The following TRIO variants were observed in gnomAD, a reference collection of about 807,000 sequenced individuals.
TRIO encodes the protein triple functional domain protein.
A neutral mutation model predicts 351.9 loss-of-function variants in TRIO; 58 were observed. That is an observed-to-expected ratio of 0.16 (90% CI 0.13 to 0.21). The LOEUF (loss-of-function observed/expected upper bound fraction) is 0.21, where lower values mean the gene tolerates loss of function less well. Among genes scored for constraint, TRIO ranks in the 10% least tolerant of loss-of-function variants. TRIO has a pLI of 1.00. For missense variants in TRIO, 3,201 were observed against 4,027.8 expected (o/e 0.79, Z 5.56); for synonymous variants, 1,758 against 1,595.7 (o/e 1.10, Z -2.42).
intron 1 of TRIO, among the ~76,000 whole-genome samples, chr5:14,208,646 CAG>C (rs1791685481): frequency 6.6e-6 from 1 of 152,210 alleles, no homozygotes; most frequent in Non-Finnish European, 1.5e-5. Context: ...TGTAAACTAA[CAG>C]AAAGTCTAAC....
intron 1 of TRIO, among the ~76,000 whole-genome samples, chr5:14,242,408 G>A (rs1035813404): frequency 5.9e-5 from 9 of 152,132 alleles, no homozygotes; most frequent in African/African-American, 2.2e-4. Flanking sequence ...ACAAATCAGG[G>A]CTCTTGTCAA....
At chr5:14,343,089 C>CAAAAAAAAAAA (rs34378604) in intron 11 of TRIO, among the ~76,000 whole-genome samples, 1 of 135,556 alleles carries the variant, frequency 7.4e-6, no homozygotes. Context: ...CAGAAAGTTG[C>CAAAAAAAAAAA]AAAAAAAAAA....
chr5:14,340,116 T>C (rs1034938754), intron 11 of TRIO, among the ~76,000 whole-genome samples: 1 of 152,166 alleles, frequency 6.6e-6, no homozygotes, highest in African/African-American at 2.4e-5. Context: ...TTGTCTTGGC[T>C]GGGCGTGGTG....
intron 9 of TRIO, among the ~76,000 whole-genome samples, chr5:14,322,571 G>A (rs1013548914): frequency 5.3e-5 from 8 of 152,112 alleles, no homozygotes; most frequent in South Asian, 4.1e-4. Context: ...CTATTTCTTC[G>A]GCCTGCAAAA....
At chr5:14,350,459 G>A (rs1321631646) in intron 11 of TRIO, among the ~76,000 whole-genome samples, 1 of 152,160 alleles carries the variant, frequency 6.6e-6, no homozygotes, top group South Asian at 2.1e-4. Flanking sequence ...ATACTGTTTG[G>A]TTAGTTTAAG....
chr5:14,358,470 G>C, intron 12 of TRIO, 123 bp downstream of exon 12: 1 of 1,174,198 alleles, frequency 8.5e-7, no homozygotes. Context: ...AGAGCTAGTA[G>C]TGTCTGTGAA....
At chr5:14,266,235 G>A (rs1005623361) in intron 1 of TRIO, among the ~76,000 whole-genome samples, 3 of 152,030 alleles carry the variant, frequency 2.0e-5, no homozygotes, top group Non-Finnish European at 2.9e-5. Flanking sequence ...ATATTTTTTC[G>A]TATTTTAGTA....
intron 1 of TRIO, among the ~76,000 whole-genome samples, chr5:14,185,180 CTCCTT>C (rs751911236): frequency 1.4e-5 from 2 of 140,626 alleles, no homozygotes; most frequent in African/African-American, 2.6e-5. Context: ...CATTCTCTCT[CTCCTT>C]TCCTTCTTGT....
intron 11 of TRIO, among the ~76,000 whole-genome samples, chr5:14,340,564 T>C (rs1019844479): frequency 6.6e-6 from 1 of 152,210 alleles, no homozygotes; most frequent in African/African-American, 2.4e-5. Context: ...TAGTTGTCAC[T>C]GTCTCTTTTT....
At chr5:14,380,182 C>T (rs761109132) in intron 20 of TRIO, among the ~76,000 whole-genome samples, 9 of 152,234 alleles carry the variant, frequency 5.9e-5, no homozygotes, top group African/African-American at 1.4e-4. Context: ...ACTGCACTCT[C>T]GGTTCCCTGT....
At chr5:14,481,149 G>C in intron 43 of TRIO, 85 bp from the exon 44 acceptor site, 1 of 1,433,968 alleles carries the variant, frequency 7.0e-7, no homozygotes, top group Non-Finnish European at 9.5e-7. Flanking sequence ...AACATAGTGA[G>C]ACCCTGTCTC....
chr5:14,287,121 T>C, intron 4 of TRIO, 58 bp downstream of exon 4: 1 of 1,543,948 alleles, frequency 6.5e-7, no homozygotes, highest in Non-Finnish European at 8.8e-7. Flanking sequence ...TACTAAAAGC[T>C]ATTGAGGCTA....
intron 26 of TRIO, chr5:14,390,514 T>C (rs1189056620): frequency 3.4e-6 from 2 of 587,068 alleles, no homozygotes; most frequent in African/African-American, 3.7e-5. Flanking sequence ...TGAAATAGAA[T>C]ATTTAGTGTG....
rs1561579689 is a variant in TRIO at position 14,509,543 on chromosome 5, CTAT to C, written c.*1126_*1128del. 2.8e-6 allele frequency: 1 copy of C among 360,840 alleles called. No individual in the cohort carries two copies. The allele number at this position is 360,840 out of a possible 1,614,324, so 22.4% of individuals were successfully genotyped here. ...GGGTAATGTTTTAAAATTTATTATGCTATTATTCAGAATGCCAAAGTATTATTT... is the reference window on the plus strand; with the variant it reads ...GGGTAATGTTTTAAAATTTATTATGCTATTCAGAATGCCAAAGTATTATTT... On this transcript the variant is annotated 3_prime_UTR_variant, in exon 57 of 57. Transcript: ENST00000344204.
At chr5:14,231,054 AAAGAC>A (rs1290975607) in intron 1 of TRIO, among the ~76,000 whole-genome samples, 6 of 152,246 alleles carry the variant, frequency 3.9e-5, no homozygotes, top group Non-Finnish European at 8.8e-5. Flanking sequence ...TAGACATTAC[AAAGAC>A]AGGAAAAAGA....
Position 14,462,891 on chromosome 5 carries a change from A to T in TRIO, c.5633A>T (p.His1878Leu). 2 of 1,608,906 alleles carry T rather than the reference A, an allele frequency of 1.2e-6. No individual in the cohort carries two copies. Among genetic ancestry groups the T allele is most frequent in the Non-Finnish European group, 1.7e-6 (2 of 1,177,466 alleles). Reference protein sequence around the residue: ...PLPPPMAIQQHSLLQPDSQDD... With the variant: ...PLPPPMAIQQLSLLQPDSQDD... ...CCGCCACCCATGGCCATCCAGCAGC[A>T]CAGCCTCCTCCAGCCAGACTCACAG... Residue 1878 changes from histidine to leucine, a missense_variant, in exon 36 of 57, where the codon CAC becomes CTC. Physicochemically the swap from His to Leu is moderately conservative, Grantham distance 99. Transcript: ENST00000344204.
At chr5:14,194,425 T>C (rs1315853547) in intron 1 of TRIO, among the ~76,000 whole-genome samples, 7 of 152,230 alleles carry the variant, frequency 4.6e-5, no homozygotes, top group African/African-American at 1.4e-4. Context: ...TTTATTGTTA[T>C]ACAGGTGCTC....
At chr5:14,307,601 T>A (rs570122122) in intron 8 of TRIO, among the ~76,000 whole-genome samples, 6 of 152,218 alleles carry the variant, frequency 3.9e-5, no homozygotes, top group Non-Finnish European at 8.8e-5. Context: ...ATGAGTAGTG[T>A]TCATCTTGGC....
At chr5:14,374,456 G>T in intron 19 of TRIO, 113 bp downstream of exon 19, 1 of 655,068 alleles carries the variant, frequency 1.5e-6, no homozygotes, top group Non-Finnish European at 2.5e-6. Context: ...TTAAATGTCC[G>T]TTTCATGTTA....
Sources: allele counts gnomAD v4.1 joint callset (sites outside exome capture counted in the v4.1 genomes callset), GRCh38; gene constraint gnomAD v4.1.1; transcripts MANE v1.5; gene names NCBI Gene and HGNC (gene_info 2026-07-23, HGNC 2026-07-21).